AGR3: variants seen among roughly 807,000 people sequenced by gnomAD.
AGR3 encodes the protein anterior gradient protein 3.
In AGR3, 37 loss-of-function variants were observed where a neutral mutation model predicts 24.5. The observed-to-expected ratio is 1.51, with a 90% confidence interval of 1.16 to 1.99. The LOEUF (loss-of-function observed/expected upper bound fraction) is 1.99, where lower values mean the gene tolerates loss of function less well. Ranked by LOEUF, AGR3 falls within the 30% of genes most tolerant of loss-of-function variation. AGR3 has a pLI of 0.00. For missense variants in AGR3, 228 were observed against 191.1 expected (o/e 1.19, Z -1.14); for synonymous variants, 75 against 61.6 (o/e 1.22, Z -1.02).
At position 16,860,580 on chromosome 7, in the gene AGR3, G is replaced by C. The variant is rs746508397; in HGVS notation, c.371C>G (p.Pro124Arg). The C allele has an allele frequency of 1.2e-6, 2 of 1,610,338 alleles. No homozygotes were observed. The highest frequency in any genetic ancestry group is 1.7e-5 in the Admixed American group (1 of 59,472). Residue 124 changes from proline (P) to arginine (R), a missense_variant, in exon 7 of 8, where the codon CCT (proline) becomes CGT (arginine). Coordinates refer to ENST00000310398, the MANE Select transcript of AGR3 (RefSeq NM_176813.5). ...TATGTCAGCTCTAACTGTTAAAGAA[G>C]GGTCTGTCAAGGAAAAAACCAAGTC... ...QYVPRIMFVDPSLTVRADIAG... is the reference protein window; with the variant it reads ...QYVPRIMFVDRSLTVRADIAG...
At chr7:16,862,750 C>A in intron 3 of AGR3, 88 bp from the exon 4 acceptor site, 1 of 849,686 alleles carries the variant, frequency 1.2e-6, no homozygotes, top group South Asian at 1.7e-5. Flanking sequence ...TTATTAGCTT[C>A]AATAAGGCTT....
chr7:16,864,758 C>G, intron 3 of AGR3: 1 of 1,249,506 alleles, frequency 8.0e-7, no homozygotes, highest in Non-Finnish European at 1.2e-6. Context: ...AAACTTGATC[C>G]TTCTCCTTGG....
At chr7:16,855,109 C>T (rs192502334), downstream of AGR3, among the ~76,000 whole-genome samples, 1 of 152,272 alleles carries the variant, frequency 6.6e-6, no homozygotes. Context: ...TCATCCCAAA[C>T]ATTTATCATT....
chr7:16,861,778 G>A (rs1781648520), intron 5 of AGR3, among the ~76,000 whole-genome samples: 2 of 151,858 alleles, frequency 1.3e-5, no homozygotes, highest in Non-Finnish European at 2.9e-5. Context: ...GCAGGTGCCT[G>A]TAGTCCCAGC....
chr7:16,865,056 C>A (rs1160127398), intron 3 of AGR3: 3 of 789,992 alleles, frequency 3.8e-6, no homozygotes, highest in Admixed American at 1.7e-5. Flanking sequence ...AGAGGGCAAC[C>A]AAGATGAGTC....
At chr7:16,875,088 C>G in intron 2 of AGR3, among the ~76,000 whole-genome samples, 1 of 147,432 alleles carries the variant, frequency 6.8e-6, no homozygotes. Flanking sequence ...GCTCTCCAGC[C>G]TGGGTAACAG....
In AGR3 at chr7:16,860,523, T is replaced by C. The variant is rs760690725; in HGVS notation, c.428A>G (p.Tyr143Cys). The C allele has an allele frequency of 6.2e-7, 1 of 1,613,598 alleles. No individual in the cohort carries two copies. The highest frequency in any genetic ancestry group is 1.1e-5 in the South Asian group (1 of 91,038). The stretch of plus-strand genomic sequence containing the variant: ...ACATAGGGGTAAATCCCGAGGCTCA[T>C]ATGTGTACAATCTGTTAGAGTATCT... ...AGRYSNRLYTYEPRDLPLLIE... is the reference protein window; with the variant it reads ...AGRYSNRLYTCEPRDLPLLIE... Residue 143 changes from tyrosine (Y) to cysteine (C), a missense_variant, in exon 7 of 8, where the codon TAT becomes TGT. Physicochemically the swap from Tyr to Cys is radical, Grantham distance 194 (BLOSUM62 -2). Transcript: ENST00000310398.
intron 5 of AGR3, 59 bp from the exon 6 acceptor site, chr7:16,861,506 A>G: frequency 6.9e-7 from 1 of 1,458,824 alleles, no homozygotes; most frequent in South Asian, 1.2e-5. Context: ...GATAGTTTCA[A>G]GATGATTTTG....
chr7:16,861,329 G>C, intron 6 of AGR3, 55 bp downstream of exon 6: 1 of 1,344,000 alleles, frequency 7.4e-7, no homozygotes, highest in Non-Finnish European at 1.0e-6. Flanking sequence ...ATAAAAGCAA[G>C]AATGCTGATT....
chr7:16,878,051 C>A lies in AGR3; in HGVS notation c.109+459G>T, dbSNP rs1309880435. On this transcript the variant is annotated intron_variant, in intron 2 of 7. Transcript: ENST00000310398. ...AGTCAATATAGCAAAGACTTAGTTACCCCGAATTCTCAGAGTTTGGGGTAT... is the reference window on the plus strand; with the variant it reads ...AGTCAATATAGCAAAGACTTAGTTAACCCGAATTCTCAGAGTTTGGGGTAT... 3.9e-5 allele frequency among the ~76,000 whole-genome samples: 6 copies of A among 152,070 alleles called. No individual in the cohort carries two copies. The South Asian group carries it at 1.2e-3, about 32-fold the overall frequency.
intron 2 of AGR3, among the ~76,000 whole-genome samples, chr7:16,877,497 T>G (rs1782009036): frequency 6.6e-6 from 1 of 151,694 alleles, no homozygotes; most frequent in Admixed American, 6.6e-5. Context: ...TACTGCTGAT[T>G]TTGAATAGCT....
intron 1 of AGR3, among the ~76,000 whole-genome samples, chr7:16,880,528 T>TCCTCC (rs1782095032): frequency 2.9e-5 from 1 of 33,940 alleles, no homozygotes; most frequent in African/African-American, 1.3e-4. Context: ...TCCTCTCCCC[T>TCCTCC]CCCCTCCCCT....
Position 16,859,589 on chromosome 7 carries a change from T to A in AGR3, c.494A>T (p.Glu165Val). The A allele has an allele frequency of 6.4e-7, 1 of 1,555,296 alleles. No individual in the cohort carries two copies. The change falls in exon 8 of 8, where the codon GAG becomes GTG. Residue 165 changes from glutamate to valine, a missense_variant. Transcript: ENST00000310398. The stretch of plus-strand genomic sequence containing the variant: ...GCTTTTTTCCATCATCTCTTATAGC[T>A]CTGACTGAATAAGTCTTAATGCTTT... Reference protein sequence around the residue: ...MKKALRLIQSEL With the variant: ...MKKALRLIQSVL
intron 3 of AGR3, among the ~76,000 whole-genome samples, chr7:16,872,611 C>G (rs1186841532): frequency 1.3e-5 from 2 of 152,092 alleles, no homozygotes; most frequent in Non-Finnish European, 2.9e-5. Flanking sequence ...ACAAATGGGA[C>G]TATGTCACCT....
chr7:16,858,024 G>T (rs953540518), downstream of AGR3, among the ~76,000 whole-genome samples: 5 of 143,864 alleles, frequency 3.5e-5, no homozygotes, highest in African/African-American at 1.3e-4. Context: ...TTTCACTCTT[G>T]TTGCCCAGGC....
chr7:16,876,992 T>G (rs553346526), intron 2 of AGR3, among the ~76,000 whole-genome samples: 1 of 152,168 alleles, frequency 6.6e-6, no homozygotes, highest in East Asian at 1.9e-4. Flanking sequence ...TACAGAGAGA[T>G]AGAGTTATGT....
downstream of AGR3, among the ~76,000 whole-genome samples, chr7:16,854,783 C>G (rs551189439): frequency 6.6e-6 from 1 of 152,160 alleles, no homozygotes; most frequent in African/African-American, 2.4e-5. Context: ...GAAGGAGAAT[C>G]TTTTCCGTGC....
At chr7:16,865,432 T>G in intron 3 of AGR3, 1 of 869,644 alleles carries the variant, frequency 1.1e-6, no homozygotes, top group South Asian at 1.3e-5. Context: ...ATCGTAATTG[T>G]TGGTGCCACA....
chr7:16,867,459 G>A (rs1252109616), intron 3 of AGR3, among the ~76,000 whole-genome samples: 2 of 152,024 alleles, frequency 1.3e-5, no homozygotes, highest in African/African-American at 4.8e-5. Flanking sequence ...GTTGTACAGT[G>A]GCTAAATCAA....
Sources: gnomAD v4.1 joint callset for allele counts (sites outside exome capture counted in the v4.1 genomes callset) on GRCh38, gnomAD v4.1.1 for gene constraint, MANE v1.5 for transcripts, NCBI Gene and HGNC (gene_info 2026-07-23, HGNC 2026-07-21) for gene names.